Variants in DIAPH2 observed in about 807,000 individuals in gnomAD.
DIAPH2 encodes the protein protein diaphanous homolog 2.
Under a neutral mutation model 92.7 loss-of-function variants are expected in DIAPH2, and 35 were observed. That is an observed-to-expected ratio of 0.38 (90% CI 0.29 to 0.50). The LOEUF (loss-of-function observed/expected upper bound fraction) is 0.50. Among genes scored for constraint, DIAPH2 ranks in the 20% least tolerant of loss-of-function variants. The pLI is 0.94. For missense variants in DIAPH2, 701 were observed against 819.5 expected (o/e 0.86, Z 1.77); for synonymous variants, 301 against 280.4 (o/e 1.07, Z -0.73).
At chrX:96,939,619 T>TACAC (rs763279889) in intron 12 of DIAPH2, among the ~76,000 whole-genome samples, 11,213 of 55,918 alleles carry the variant, frequency 0.2, 1,763 homozygotes, top group Non-Finnish European at 0.29. Context: ...CACACACATA[T>TACAC]ACACACACAC....
intron 25 of DIAPH2, among the ~76,000 whole-genome samples, chrX:97,406,970 A>G (rs111519462): frequency 0.018 from 1,994 of 111,574 alleles, 43 homozygotes; most frequent in African/African-American, 0.061. Context: ...TTTTTTTTAC[A>G]TAAAAAAGAG....
intron 26 of DIAPH2, among the ~76,000 whole-genome samples, chrX:97,558,166 G>A (rs1248405270): frequency 1.8e-5 from 2 of 112,022 alleles, no homozygotes; most frequent in African/African-American, 6.5e-5. Context: ...ATAACTCACA[G>A]TCTAGTTGGG....
At chrX:96,694,991 G>A (rs1037378485) in intron 1 of DIAPH2, among the ~76,000 whole-genome samples, 1 of 99,371 alleles carries the variant, frequency 1.0e-5, no homozygotes, top group Non-Finnish European at 2.0e-5. Context: ...TCTGTCGCCC[G>A]GGCTGAAGCA....
At chrX:97,538,813 CT>C (rs1221714880) in intron 26 of DIAPH2, among the ~76,000 whole-genome samples, 1 of 112,031 alleles carries the variant, frequency 8.9e-6, no homozygotes, top group Non-Finnish European at 1.9e-5. Context: ...ACTAAATTGA[CT>C]TTTCGTTTGT....
chrX:96,945,444 T>C (rs1281267342), intron 13 of DIAPH2, 83 bp from the exon 14 acceptor site: 1 of 633,800 alleles, frequency 1.6e-6, no homozygotes, highest in Non-Finnish European at 2.5e-6. Context: ...ATAGTCTGCA[T>C]TGCAGAGTTA....
intron 26 of DIAPH2, among the ~76,000 whole-genome samples, chrX:97,571,561 A>G (rs2147874554): frequency 8.9e-6 from 1 of 111,772 alleles, no homozygotes; most frequent in Admixed American, 9.5e-5. Flanking sequence ...TGCTTTATAT[A>G]AAACAGTAGG....
chrX:96,890,730 A>T (rs1341881976), intron 5 of DIAPH2, among the ~76,000 whole-genome samples: 1 of 112,153 alleles, frequency 8.9e-6, no homozygotes, highest in Non-Finnish European at 1.9e-5. Flanking sequence ...GGGGTCATGA[A>T]TTTCAAATTC....
At chrX:96,719,957 T>C (rs1465144689) in intron 1 of DIAPH2, among the ~76,000 whole-genome samples, 1 of 112,135 alleles carries the variant, frequency 8.9e-6, no homozygotes, top group Non-Finnish European at 1.9e-5. Flanking sequence ...TTTCTACCCT[T>C]CTACCTGAGC....
intron 5 of DIAPH2, among the ~76,000 whole-genome samples, chrX:96,892,249 T>G (rs1277223848): frequency 1.8e-5 from 2 of 112,119 alleles, no homozygotes; most frequent in South Asian, 3.7e-4. Flanking sequence ...ATAAGGATAC[T>G]TTTTACAATG....
chrX:96,779,621 A>G (rs1035333960), intron 4 of DIAPH2, among the ~76,000 whole-genome samples: 2 of 112,500 alleles, frequency 1.8e-5, no homozygotes, highest in African/African-American at 6.4e-5. Flanking sequence ...TGCTATTTGA[A>G]TTAGAATGCC....
intron 22 of DIAPH2, among the ~76,000 whole-genome samples, chrX:97,199,621 C>T (rs2067731497): frequency 9.0e-6 from 1 of 111,707 alleles, no homozygotes; most frequent in Non-Finnish European, 1.9e-5. Flanking sequence ...AAGTTGAAAA[C>T]TTTCCATATA....
At chrX:96,855,321 A>T (rs1003346784) in intron 4 of DIAPH2, among the ~76,000 whole-genome samples, 1 of 111,024 alleles carries the variant, frequency 9.0e-6, no homozygotes, top group African/African-American at 3.3e-5. Context: ...AAAAACTCAA[A>T]CATTCCTAAC....
chrX:97,454,526 C>A (rs1437282709), intron 26 of DIAPH2, among the ~76,000 whole-genome samples: 1 of 111,352 alleles, frequency 9.0e-6, no homozygotes, highest in Non-Finnish European at 1.9e-5. Context: ...CAATATTCTT[C>A]AGTGACTCTC....
chrX:97,037,874 A>G (rs1337615209), intron 17 of DIAPH2, among the ~76,000 whole-genome samples: 5 of 111,751 alleles, frequency 4.5e-5, no homozygotes, highest in African/African-American at 9.7e-5. Context: ...TTAAATTTCA[A>G]TAGCTTTAGG....
In DIAPH2 at chrX:97,334,683, A is replaced by AAAC. The variant is rs1355288052; in HGVS notation, c.2845-13431_2845-13430insCAA. 6.8e-5 allele frequency among the ~76,000 whole-genome samples: 7 copies of AAAC among 102,480 alleles called. No homozygotes were observed. In the Middle Eastern group the frequency reaches 0.016, roughly 231 times the overall value. The allele number at this position is 102,480 out of a possible 115,157, so 89.0% of individuals were successfully genotyped here. On this transcript the variant is annotated intron_variant, in intron 23 of 26. Transcript: ENST00000324765. The stretch of plus-strand genomic sequence containing the variant: ...ACATGCTAGTTTAAAAAAACAAAAC[A>AAAC]AAACAAAAAAAAAAACAGAGCAGGC...
At chrX:97,180,803 T>C (rs2147464244) in intron 22 of DIAPH2, among the ~76,000 whole-genome samples, 1 of 111,482 alleles carries the variant, frequency 9.0e-6, no homozygotes, top group African/African-American at 3.3e-5. Context: ...TTGTCGAAGA[T>C]CATATCGTTG....
chrX:97,269,262 A>G (rs1439403876), intron 23 of DIAPH2, among the ~76,000 whole-genome samples: 3 of 111,764 alleles, frequency 2.7e-5, no homozygotes, highest in African/African-American at 9.8e-5. Flanking sequence ...AAACAATTAT[A>G]AAATTCCCAA....
chrX:97,397,045 A>G (rs2069711289), intron 25 of DIAPH2, among the ~76,000 whole-genome samples: 3 of 111,982 alleles, frequency 2.7e-5, no homozygotes, highest in Non-Finnish European at 5.6e-5. Context: ...CCCCTCACAC[A>G]TGAACAACCT....
intron 23 of DIAPH2, among the ~76,000 whole-genome samples, chrX:97,347,377 C>G (rs2069168218): frequency 9.1e-6 from 1 of 110,072 alleles, no homozygotes; most frequent in Non-Finnish European, 1.9e-5. Flanking sequence ...GCATGAGCCA[C>G]TGCACCTGGC....
Sources: allele counts gnomAD v4.1 joint callset (sites outside exome capture counted in the v4.1 genomes callset), GRCh38; gene constraint gnomAD v4.1.1; transcripts MANE v1.5; gene names NCBI Gene and HGNC (gene_info 2026-07-23, HGNC 2026-07-21).